The following PTPRZ1 variants were observed in gnomAD, a reference collection of about 807,000 sequenced individuals.
PTPRZ1 encodes the protein protein tyrosine phosphatase receptor type Z1, also known as receptor-type tyrosine-protein phosphatase zeta.
A neutral mutation model predicts 214.1 loss-of-function variants in PTPRZ1; 82 were observed. The ratio of observed to expected loss-of-function variants is 0.38; its 90% CI spans 0.32 to 0.46. PTPRZ1 has a LOEUF of 0.46. PTPRZ1 is among the 20% of genes least tolerant of loss of function. PTPRZ1 has a pLI of 1.00. For missense variants in PTPRZ1, 2,603 were observed against 2,748.7 expected (o/e 0.95, Z 1.19); for synonymous variants, 945 against 987.9 (o/e 0.96, Z 0.81).
At chr7:122,050,261 G>A (rs1280468284) in intron 23 of PTPRZ1, among the ~76,000 whole-genome samples, 8 of 151,534 alleles carry the variant, frequency 5.3e-5, no homozygotes, top group Non-Finnish European at 1.2e-4. Context: ...TGGGTAATAT[G>A]GTGAAACCCC....
chr7:122,038,647 G>C, intron 18 of PTPRZ1, 108 bp from the exon 19 acceptor site: 2 of 1,020,230 alleles, frequency 2.0e-6, no homozygotes, highest in Non-Finnish European at 2.7e-6. Context: ...TATTTTTTAT[G>C]GTTTTCTTTT....
In PTPRZ1 at chr7:122,013,392, G is replaced by A. The variant is rs60470916; in HGVS notation, c.4346G>A (p.Arg1449Lys). ...AAGTGTATGTCATGCTCATCCTATA[G>A]AGAATCACAGGAAAAGGTAATGAAT... is the stretch of plus-strand genomic sequence containing the variant. ...IHKCMSCSSY[R>K]ESQEKVMNDS... Residue 1449 changes from arginine (R) to lysine (K), a missense_variant, in exon 12 of 30, where the codon AGA becomes AAA. Arg to Lys is a conservative substitution (Grantham distance 26, BLOSUM62 2). Around this residue, in one of 6 missense-constraint regions of PTPRZ1, gnomAD observed 1,913 missense variants for 1,914.3 expected, o/e 1.00. Transcript: ENST00000393386. The A allele has an allele frequency of 6.2e-7, 1 of 1,614,176 alleles. No individual in the cohort carries two copies. Among genetic ancestry groups the A allele is most frequent in the South Asian group, 1.1e-5 (1 of 91,088 alleles).
At chr7:122,040,729 C>CGTGTGTGT (rs3993671) in intron 20 of PTPRZ1, 87 bp from the exon 21 acceptor site, 134 of 489,508 alleles carry the variant, frequency 2.7e-4, no homozygotes, top group Admixed American at 6.7e-4. Context: ...GTTGAAGAAC[C>CGTGTGTGT]GTGTGTGTGT....
intron 1 of PTPRZ1, among the ~76,000 whole-genome samples, chr7:121,881,021 T>C (rs1488279632): frequency 6.6e-6 from 1 of 152,218 alleles, no homozygotes; most frequent in Non-Finnish European, 1.5e-5. Flanking sequence ...GACTGAATGT[T>C]TGTGTCCTCT....
chr7:121,908,367 A>G, intron 1 of PTPRZ1: 1 of 264,134 alleles, frequency 3.8e-6, no homozygotes, highest in Non-Finnish European at 7.4e-6. Flanking sequence ...CCCTTTGGAA[A>G]AGAATATCAA....
intron 1 of PTPRZ1, among the ~76,000 whole-genome samples, chr7:121,925,980 A>G (rs564992327): frequency 1.3e-5 from 2 of 152,218 alleles, no homozygotes; most frequent in South Asian, 2.1e-4. Context: ...CCAAGTGGCT[A>G]CTAAAAAGAT....
At chr7:122,059,550 T>C in intron 28 of PTPRZ1, 1 of 543,280 alleles carries the variant, frequency 1.8e-6, no homozygotes, top group Admixed American at 3.5e-5. Context: ...TTCTGTAAAG[T>C]ATTCCACTAT....
chr7:121,976,717 TC>T (rs1437053955), intron 5 of PTPRZ1, 67 bp from the exon 6 acceptor site: 2 of 1,256,504 alleles, frequency 1.6e-6, no homozygotes, highest in African/African-American at 3.1e-5. Context: ...TCATTAATCT[TC>T]ACATTTTTAT....
rs201632415 is a variant in PTPRZ1, at chr7:121,903,396, G to T, written c.59-24760G>T. 2.0e-5 allele frequency among the ~76,000 whole-genome samples: 3 copies of T among 152,096 alleles called. No individual in the cohort carries two copies. The East Asian group carries it at 5.8e-4, about 29-fold the overall frequency. ...ATTTGTACAATGAAAAAATGGGAGA[G>T]ATGCATTTTATTGCAGGCTTCTACT... On this transcript the variant is annotated intron_variant, in intron 1 of 29. Coordinates refer to ENST00000393386, the MANE Select transcript of PTPRZ1 (RefSeq NM_002851.3).
intron 2 of PTPRZ1, among the ~76,000 whole-genome samples, chr7:121,931,098 T>C (rs1795907844): frequency 6.6e-6 from 1 of 152,214 alleles, no homozygotes; most frequent in Non-Finnish European, 1.5e-5. Flanking sequence ...AGAGGTTCTT[T>C]ATGAGTATTA....
At chr7:121,965,177 G>A (rs1250849134) in intron 2 of PTPRZ1, among the ~76,000 whole-genome samples, 2 of 152,210 alleles carry the variant, frequency 1.3e-5, no homozygotes, top group East Asian at 1.9e-4. Flanking sequence ...AGTTTCTGTG[G>A]GTCAGGAGCT....
intron 2 of PTPRZ1, among the ~76,000 whole-genome samples, chr7:121,935,445 T>C (rs1338688867): frequency 1.3e-5 from 2 of 152,136 alleles, no homozygotes; most frequent in Non-Finnish European, 2.9e-5. Flanking sequence ...GTAGGACGCA[T>C]TGTGCTTCTT....
intron 29 of PTPRZ1, among the ~76,000 whole-genome samples, chr7:122,060,385 A>G (rs1262524682): frequency 6.6e-6 from 1 of 152,194 alleles, no homozygotes; most frequent in African/African-American, 2.4e-5. Context: ...TTAATTATGC[A>G]CTGCGTCACA....
At chr7:121,991,606 C>T (rs1797963641) in intron 8 of PTPRZ1, among the ~76,000 whole-genome samples, 1 of 152,080 alleles carries the variant, frequency 6.6e-6, no homozygotes, top group South Asian at 2.1e-4. Flanking sequence ...GTTAAGGTCA[C>T]ATGTATGTAA....
Position 121,984,142 on chromosome 7 carries a change from A to G in PTPRZ1, c.928+25A>G, listed in dbSNP as rs1563050453. On this transcript the variant is annotated intron_variant, in intron 8 of 29. Transcript: ENST00000393386. ...GGTATGTATTTAAATATAATCTTCT[A>G]CAACTCTCATAGATGCAGTGTTATA... 8 of 1,598,286 alleles carry G rather than the reference A, an allele frequency of 5.0e-6. No individual in the cohort carries two copies. The East Asian group carries it at 1.1e-4, about 22-fold the overall frequency.
intron 2 of PTPRZ1, among the ~76,000 whole-genome samples, chr7:121,934,421 G>A (rs569225504): frequency 9.3e-5 from 13 of 139,970 alleles, no homozygotes; most frequent in African/African-American, 3.0e-4. Flanking sequence ...TCTGCATTTC[G>A]AGCTTGCAGT....
intron 11 of PTPRZ1, among the ~76,000 whole-genome samples, chr7:122,008,233 A>G (rs777942536): frequency 2.6e-5 from 4 of 152,136 alleles, no homozygotes; most frequent in Admixed American, 1.3e-4. Flanking sequence ...TAGATCATAT[A>G]GAGAAAATGG....
rs1363663864 is a variant in PTPRZ1 at position 122,010,895 on chromosome 7, A to G, written c.1849A>G (p.Ile617Val). ...YIFSSENPET[I>V]TYDVLIPESA... ...ATTTTCCTCCGAAAACCCAGAGACA[A>G]TAACATATGATGTCCTTATACCAGA... The change falls in exon 12 of 30, where the codon ATA (isoleucine) becomes GTA (valine). Residue 617 changes from isoleucine to valine, a missense_variant. Physicochemically the swap from Ile to Val is conservative, Grantham distance 29. Around this residue, in one of 6 missense-constraint regions of PTPRZ1, gnomAD observed 1,913 missense variants for 1,914.3 expected, o/e 1.00. Coordinates refer to ENST00000393386, the MANE Select transcript of PTPRZ1 (RefSeq NM_002851.3). 5 of 1,613,978 alleles carry G rather than the reference A, an allele frequency of 3.1e-6. No individual in the cohort carries two copies. Among genetic ancestry groups the G allele is most frequent in the South Asian group, 2.2e-5 (2 of 91,084 alleles).
At chr7:121,889,431 T>A (rs1377607326) in intron 1 of PTPRZ1, among the ~76,000 whole-genome samples, 1 of 152,208 alleles carries the variant, frequency 6.6e-6, no homozygotes, top group Non-Finnish European at 1.5e-5. Context: ...CTGTCACATC[T>A]TTAGTTACAA....
Sources: allele counts gnomAD v4.1 joint callset (sites outside exome capture counted in the v4.1 genomes callset), GRCh38; gene constraint gnomAD v4.1.1; regional missense constraint gnomAD v4.1.1; transcripts MANE v1.5; gene names NCBI Gene and HGNC (gene_info 2026-07-23, HGNC 2026-07-21).